The following TENM4 variants were observed in gnomAD, a reference collection of about 807,000 sequenced individuals.
TENM4 encodes the protein teneurin transmembrane protein 4.
TENM4 carries 82 observed loss-of-function variants against 243.3 expected under a neutral mutation model. The ratio of observed to expected loss-of-function variants is 0.34; its 90% CI spans 0.28 to 0.40. The LOEUF (loss-of-function observed/expected upper bound fraction) is 0.40. Ranked by LOEUF, TENM4 falls within the 10% of genes least tolerant of loss-of-function variation. TENM4 has a pLI of 1.00. For synonymous variants in TENM4, 1,412 were observed against 1,456.3 expected, an observed-to-expected ratio of 0.97 and a Z score of 0.69; for missense variants, 3,138 against 3,673.3, an observed-to-expected ratio of 0.85 and a Z score of 3.77.
intron 1 of TENM4, among the ~76,000 whole-genome samples, chr11:79,408,874 T>C (rs928934341): frequency 1.3e-5 from 2 of 152,156 alleles, no homozygotes; most frequent in African/African-American, 2.4e-5. Context: ...TAGGCAAAAT[T>C]AGAGGTGCTT....
chr11:78,812,195 G>T lies in TENM4; in HGVS notation c.1905C>A (p.Cys635Ter). The change falls in exon 14 of 34, where the codon TGC becomes TGA. Residue 635 changes from cysteine to a stop codon, truncating the protein, a stop_gained. Coordinates refer to ENST00000278550, the MANE Select transcript of TENM4 (RefSeq NM_001098816.3). LOFTEE classifies it high-confidence loss of function. ...VPTNQCIDVACSNHGTCITGT... is the reference protein window; with the variant it reads ...VPTNQCIDVA ...CCGTGATGCAGGTGCCATGGTTGCT[G>T]CAGGCCACATCGATACACTGGTTGG... The T allele has an allele frequency of 6.4e-7, 1 of 1,551,866 alleles. No homozygotes were observed. The highest frequency in any genetic ancestry group is 8.7e-7 in the Non-Finnish European group (1 of 1,147,058).
intron 6 of TENM4, among the ~76,000 whole-genome samples, chr11:78,995,875 T>C (rs191354313): frequency 4.4e-4 from 67 of 152,242 alleles, no homozygotes; most frequent in African/African-American, 1.6e-3. Flanking sequence ...TTTTAGGTTC[T>C]TCACCTGCAC....
intron 6 of TENM4, among the ~76,000 whole-genome samples, chr11:78,985,262 T>C (rs1857891522): frequency 6.6e-6 from 1 of 152,178 alleles, no homozygotes; most frequent in South Asian, 2.1e-4. Flanking sequence ...TACAGATTTT[T>C]TTTTTTGATC....
intron 3 of TENM4, among the ~76,000 whole-genome samples, chr11:79,195,468 T>C (rs10899603): frequency 0.34 from 52,278 of 151,648 alleles, 9,248 homozygotes; most frequent in East Asian, 0.43. Flanking sequence ...AGAGGTGGAG[T>C]TGCCCAAGAC....
intron 1 of TENM4, among the ~76,000 whole-genome samples, chr11:79,353,738 A>C (rs1470608685): frequency 6.9e-6 from 1 of 145,846 alleles, no homozygotes; most frequent in Non-Finnish European, 1.5e-5. Flanking sequence ...TATGTGATTA[A>C]AATAGAAGAA....
rs149718090 is a variant in TENM4 at position 79,103,474 on chromosome 11, G to T, written c.-65-33465C>A. The stretch of plus-strand genomic sequence containing the variant: ...GTGGGCCCACAGTGCATCCCCTTTA[G>T]GTGGAATCATGGACTTCCACCAAGG... On this transcript the variant is annotated intron_variant, in intron 4 of 33. Coordinates refer to ENST00000278550, the MANE Select transcript of TENM4 (RefSeq NM_001098816.3). Among the ~76,000 whole-genome samples, 584 of 152,172 alleles carry T rather than the reference G, an allele frequency of 3.8e-3. 1 individual carries two copies. The highest frequency in any genetic ancestry group is 0.014 in the African/African-American group (568 of 41,504).
chr11:79,298,451 CT>C (rs1191545533), intron 1 of TENM4, among the ~76,000 whole-genome samples: 4 of 140,374 alleles, frequency 2.8e-5, no homozygotes, highest in African/African-American at 1.1e-4. Flanking sequence ...GGAAGCGGAG[CT>C]TGCAGTGAGC....
intron 1 of TENM4, among the ~76,000 whole-genome samples, chr11:79,422,766 C>A (rs896335373): frequency 1.3e-5 from 2 of 152,188 alleles, no homozygotes; most frequent in Admixed American, 1.3e-4. Flanking sequence ...GAGGGTCTGA[C>A]CCAAGGCTGG....
At chr11:78,720,055 C>A (rs1481739149) in intron 25 of TENM4, among the ~76,000 whole-genome samples, 1 of 152,246 alleles carries the variant, frequency 6.6e-6, no homozygotes, top group Non-Finnish European at 1.5e-5. Context: ...GTTAGGATGA[C>A]ATCCTCATTT....
chr11:78,886,456 A>G (rs1331284183), intron 9 of TENM4, among the ~76,000 whole-genome samples: 2 of 152,136 alleles, frequency 1.3e-5, no homozygotes, highest in Non-Finnish European at 2.9e-5. Context: ...TAAGGCTGCT[A>G]CCCCCTAGCT....
intron 7 of TENM4, among the ~76,000 whole-genome samples, chr11:78,899,521 C>T (rs967635795): frequency 4.9e-5 from 6 of 123,228 alleles, no homozygotes; most frequent in African/African-American, 9.6e-5. Flanking sequence ...GAGGCTGCAG[C>T]GTGTCAGGAT....
At chr11:79,050,579 G>A (rs1404902095) in intron 6 of TENM4, among the ~76,000 whole-genome samples, 1 of 152,190 alleles carries the variant, frequency 6.6e-6, no homozygotes, top group Non-Finnish European at 1.5e-5. Flanking sequence ...CAAGCAGCTG[G>A]AATTGCAAAC....
chr11:79,149,751 C>T (rs548057825), intron 3 of TENM4, among the ~76,000 whole-genome samples: 2 of 151,446 alleles, frequency 1.3e-5, no homozygotes, highest in Admixed American at 6.6e-5. Flanking sequence ...CTTGGGCTGG[C>T]TTTCTTTAAA....
intron 3 of TENM4, among the ~76,000 whole-genome samples, chr11:79,208,559 C>T (rs953921401): frequency 2.0e-5 from 3 of 152,172 alleles, no homozygotes; most frequent in African/African-American, 7.2e-5. Flanking sequence ...GGAAGAAGCT[C>T]GGCTTCATAG....
chr11:79,323,215 T>C (rs1188040223), intron 1 of TENM4, among the ~76,000 whole-genome samples: 3 of 152,234 alleles, frequency 2.0e-5, no homozygotes, highest in Non-Finnish European at 4.4e-5. Flanking sequence ...GACACCTTTT[T>C]CTTCTAAATC....
rs117760608 is a variant in TENM4, at chr11:78,688,650, C to T, written c.5088-424G>A. On this transcript the variant is annotated intron_variant, in intron 28 of 33. Coordinates refer to ENST00000278550, the MANE Select transcript of TENM4 (RefSeq NM_001098816.3). ...ATGCCTGAATACCCTCTGCAAAACC[C>T]GCAAGAACTGGTTATACAGGTTTTT... Among the ~76,000 whole-genome samples, 89 of 152,262 alleles carry T rather than the reference C, an allele frequency of 5.8e-4. 1 individual carries two copies. The East Asian group carries it at 0.012, about 20-fold the overall frequency.
At chr11:79,007,652 C>T (rs182529666) in intron 6 of TENM4, among the ~76,000 whole-genome samples, 3 of 152,298 alleles carry the variant, frequency 2.0e-5, no homozygotes, top group Non-Finnish European at 4.4e-5. Flanking sequence ...GGCCTCCTCC[C>T]CACCTGTCTA....
intron 18 of TENM4, among the ~76,000 whole-genome samples, chr11:78,760,568 C>T (rs1325714303): frequency 6.6e-6 from 1 of 152,238 alleles, no homozygotes; most frequent in African/African-American, 2.4e-5. Flanking sequence ...AACTTTTAGA[C>T]TGAGACTCTG....
At chr11:79,223,828 C>T (rs1178340845) in intron 2 of TENM4, among the ~76,000 whole-genome samples, 1 of 152,144 alleles carries the variant, frequency 6.6e-6, no homozygotes, top group Non-Finnish European at 1.5e-5. Flanking sequence ...CCCTTTTTCC[C>T]ACTGCTCCCA....
Sources: gnomAD v4.1 joint callset for allele counts (sites outside exome capture counted in the v4.1 genomes callset) on GRCh38, gnomAD v4.1.1 for gene constraint, MANE v1.5 for transcripts, NCBI Gene and HGNC (gene_info 2026-07-23, HGNC 2026-07-21) for gene names.